MCC: variants seen among roughly 807,000 people sequenced by gnomAD.
The protein encoded by MCC is MCC regulator of Wnt signaling pathway, also known as colorectal mutant cancer protein.
Under a neutral mutation model 116.2 loss-of-function variants are expected in MCC, and 90 were observed. The ratio of observed to expected loss-of-function variants is 0.77; its 90% CI spans 0.65 to 0.92. The LOEUF (loss-of-function observed/expected upper bound fraction) is 0.92. MCC is among the 40% of genes least tolerant of loss of function. The pLI, the probability that MCC is intolerant of heterozygous loss-of-function variation, is 0.00. For synonymous variants in MCC, 578 were observed against 510.5 expected, an observed-to-expected ratio of 1.13 and a Z score of -1.78; for missense variants, 1,516 against 1,312.2, an observed-to-expected ratio of 1.16 and a Z score of -2.40.
At chr5:113,333,822 T>TATACGTACATATGTAC (rs1561527768) in intron 3 of MCC, among the ~76,000 whole-genome samples, 1 of 81,022 alleles carries the variant, frequency 1.2e-5, no homozygotes, top group Non-Finnish European at 2.3e-5. Context: ...TATATGTACA[T>TATACGTACATATGTAC]ATATGTATAT....
intron 15 of MCC, among the ~76,000 whole-genome samples, chr5:113,051,545 CCT>C (rs1561755812): frequency 6.6e-6 from 1 of 152,016 alleles, no homozygotes; most frequent in East Asian, 1.9e-4. Context: ...AAAGTGAGAC[CCT>C]GTTTCTACAA....
At chr5:113,081,804 T>C (rs1236735386) in intron 11 of MCC, among the ~76,000 whole-genome samples, 1 of 152,236 alleles carries the variant, frequency 6.6e-6, no homozygotes, top group African/African-American at 2.4e-5. Context: ...TCTCAAGAAC[T>C]GTATTAAACA....
intron 2 of MCC, among the ~76,000 whole-genome samples, chr5:113,373,187 A>T (rs886349544): frequency 6.7e-6 from 1 of 149,606 alleles, no homozygotes; most frequent in East Asian, 1.9e-4. Context: ...TCAAAAAAAA[A>T]TAAAATAAAA....
At chr5:113,389,201 C>G (rs544554530) in intron 1 of MCC, among the ~76,000 whole-genome samples, 4 of 152,122 alleles carry the variant, frequency 2.6e-5, no homozygotes, top group African/African-American at 9.7e-5. Context: ...GAACTTGAAT[C>G]GCAGGGTATT....
At chr5:113,039,170 C>T (rs1180710943) in intron 17 of MCC, among the ~76,000 whole-genome samples, 2 of 152,194 alleles carry the variant, frequency 1.3e-5, no homozygotes, top group Admixed American at 6.5e-5. Flanking sequence ...CTACTTCCTG[C>T]CTCCCAGCAC....
intron 3 of MCC, among the ~76,000 whole-genome samples, chr5:113,319,826 C>T (rs1219735686): frequency 6.6e-6 from 1 of 152,012 alleles, no homozygotes. Flanking sequence ...CCACAGCAGG[C>T]CTCTCCCTCT....
rs556786583 is a variant in MCC, at chr5:113,049,818, C to A, written c.2449-519G>T. On this transcript the variant is annotated intron_variant, in intron 15 of 18. Coordinates refer to ENST00000408903, the MANE Select transcript of MCC (RefSeq NM_001085377.2). Reference sequence around the variant, plus strand: ...CCCTGTAGCTGGGCCAGGCATGCGGCGAATGCCTGCAGCAGCATCAACCTC... The same window carrying A: ...CCCTGTAGCTGGGCCAGGCATGCGGAGAATGCCTGCAGCAGCATCAACCTC... Among the ~76,000 whole-genome samples, 5 of 152,316 alleles carry A rather than the reference C, an allele frequency of 3.3e-5. No individual in the cohort carries two copies. The East Asian group carries it at 9.7e-4, about 29-fold the overall frequency.
chr5:113,340,400 A>G, intron 3 of MCC, 119 bp downstream of exon 3: 1 of 877,258 alleles, frequency 1.1e-6, no homozygotes, highest in Non-Finnish European at 1.8e-6. Context: ...AAATGGTACA[A>G]TATTTACCGC....
chr5:113,319,428 T>A (rs1767365406), intron 3 of MCC, among the ~76,000 whole-genome samples: 1 of 152,212 alleles, frequency 6.6e-6, no homozygotes, highest in South Asian at 2.1e-4. Context: ...TGTCGTATGA[T>A]ACCGTCCTAT....
intron 3 of MCC, among the ~76,000 whole-genome samples, chr5:113,233,700 T>G (rs113662225): frequency 0.036 from 5,558 of 152,286 alleles, 114 homozygotes; most frequent in Middle Eastern, 0.051. Flanking sequence ...GTCAGAAACA[T>G]TTAGTATTAA....
intron 1 of MCC, among the ~76,000 whole-genome samples, chr5:113,445,640 C>T (rs573848604): frequency 1.3e-5 from 2 of 152,162 alleles, no homozygotes; most frequent in African/African-American, 2.4e-5. Flanking sequence ...TTGGAAAAAT[C>T]GGTATTGTTA....
At chr5:113,172,213 A>T (rs554249389) in intron 3 of MCC, among the ~76,000 whole-genome samples, 2 of 152,216 alleles carry the variant, frequency 1.3e-5, no homozygotes, top group African/African-American at 4.8e-5. Flanking sequence ...GGATCACTTA[A>T]GACAGGATTC....
At chr5:113,211,402 A>G (rs570436306) in intron 3 of MCC, among the ~76,000 whole-genome samples, 2 of 152,346 alleles carry the variant, frequency 1.3e-5, no homozygotes, top group Admixed American at 6.5e-5. Flanking sequence ...AGACTAAGAC[A>G]TGTAGCATTG....
At position 113,295,983 on chromosome 5, in the gene MCC, T is replaced by C. The variant is rs76910454; in HGVS notation, c.627+44536A>G. On this transcript the variant is annotated intron_variant, in intron 3 of 18. Transcript: ENST00000408903. ...GGTCTTTTTAAAAAATCATGTTTAT[T>C]TTGCTCTTTAAGAAGGGGCAGAGTG... 9.9e-4 allele frequency among the ~76,000 whole-genome samples: 151 copies of C among 152,290 alleles called. 1 individual carries two copies. The highest frequency in any genetic ancestry group is 2.0e-3 in the Non-Finnish European group (135 of 68,028).
At chr5:113,452,769 A>C (rs757921903) in intron 1 of MCC, among the ~76,000 whole-genome samples, 1 of 152,230 alleles carries the variant, frequency 6.6e-6, no homozygotes, top group Non-Finnish European at 1.5e-5. Context: ...TTAATGTTCA[A>C]GTCTAAGATT....
chr5:113,263,110 T>C, intron 3 of MCC, among the ~76,000 whole-genome samples: 1 of 152,330 alleles, frequency 6.6e-6, no homozygotes, highest in East Asian at 1.9e-4. Context: ...CTCTACCTTA[T>C]AGAGAGGGAA....
intron 3 of MCC, among the ~76,000 whole-genome samples, chr5:113,156,845 A>C (rs1760198957): frequency 6.6e-6 from 1 of 152,232 alleles, no homozygotes; most frequent in South Asian, 2.1e-4. Flanking sequence ...CTAACTGTCA[A>C]AATGGTTATT....
intron 1 of MCC, 84 bp downstream of exon 1, chr5:113,488,161 G>A (rs1462580182): frequency 1.4e-5 from 19 of 1,336,870 alleles, no homozygotes; most frequent in South Asian, 1.8e-5. Context: ...GCCGCAAGTT[G>A]GGGCGAGGGG....
intron 8 of MCC, 197 bp downstream of exon 8, chr5:113,101,540 CTT>C (rs909640150): frequency 4.0e-5 from 19 of 474,412 alleles, no homozygotes; most frequent in South Asian, 5.5e-5. Context: ...AAAGTGTTTG[CTT>C]TTTTTTTTTA....
Sources: gnomAD v4.1 joint callset for allele counts (sites outside exome capture counted in the v4.1 genomes callset) on GRCh38, gnomAD v4.1.1 for gene constraint, MANE v1.5 for transcripts, NCBI Gene and HGNC (gene_info 2026-07-23, HGNC 2026-07-21) for gene names.